The following VWA8 variants were observed in gnomAD, a reference collection of about 807,000 sequenced individuals.
The protein encoded by VWA8 is von Willebrand factor A domain-containing protein 8.
VWA8 carries 221 observed loss-of-function variants against 241.5 expected under a neutral mutation model. The ratio of observed to expected loss-of-function variants is 0.91; its 90% CI spans 0.82 to 1.02. VWA8 has a LOEUF of 1.02. VWA8 is among the 50% of genes least tolerant of loss of function. The probability of loss-of-function intolerance (pLI) is 0.00; values close to 1 mark genes in which losing one functional copy is unlikely to be tolerated. For synonymous variants in VWA8, 852 were observed against 827.1 expected, an observed-to-expected ratio of 1.03 and a Z score of -0.52; for missense variants, 2,322 against 2,328.7, an observed-to-expected ratio of 1.00 and a Z score of 0.06.
intron 37 of VWA8, among the ~76,000 whole-genome samples, chr13:41,640,604 A>C (rs2044789312): frequency 6.6e-6 from 1 of 152,222 alleles, no homozygotes; most frequent in African/African-American, 2.4e-5. Flanking sequence ...TTGCTAGTTA[A>C]AATGCCCATT....
At chr13:41,944,111 T>A (rs976054351) in intron 2 of VWA8, among the ~76,000 whole-genome samples, 24 of 147,892 alleles carry the variant, frequency 1.6e-4, no homozygotes, top group Admixed American at 9.5e-4. Flanking sequence ...TCTCAAAAAA[T>A]AATAATAATA....
intron 26 of VWA8, among the ~76,000 whole-genome samples, chr13:41,709,771 CTTT>C (rs67056755): frequency 6.9e-6 from 1 of 143,932 alleles, no homozygotes; most frequent in African/African-American, 2.6e-5. Context: ...GTCTCTCTCT[CTTT>C]TTTTTTTTTT....
intron 40 of VWA8, among the ~76,000 whole-genome samples, chr13:41,593,058 T>C (rs1466170049): frequency 6.6e-6 from 1 of 152,180 alleles, no homozygotes; most frequent in East Asian, 1.9e-4. Context: ...GGCTATGTGA[T>C]AGCACTGTCG....
chr13:41,804,003 A>C (rs1052777669), intron 17 of VWA8, among the ~76,000 whole-genome samples: 3 of 152,212 alleles, frequency 2.0e-5, no homozygotes, highest in Admixed American at 6.5e-5. Context: ...GAGACAAAAG[A>C]ATAAAACAAT....
At chr13:41,635,414 T>C (rs2044750490) in intron 37 of VWA8, among the ~76,000 whole-genome samples, 1 of 152,214 alleles carries the variant, frequency 6.6e-6, no homozygotes, top group African/African-American at 2.4e-5. Flanking sequence ...GCATCTGAGC[T>C]ATTTTTCATA....
chr13:41,678,678 A>T (rs1049450789), intron 35 of VWA8, among the ~76,000 whole-genome samples: 1 of 152,228 alleles, frequency 6.6e-6, no homozygotes, highest in Non-Finnish European at 1.5e-5. Context: ...AACTTATTTT[A>T]AAATATCTTT....
chr13:41,814,417 C>T (rs1315174694), intron 16 of VWA8, among the ~76,000 whole-genome samples: 30 of 151,982 alleles, frequency 2.0e-4, no homozygotes, highest in Non-Finnish European at 4.4e-5. Context: ...AGGGAAAGCA[C>T]ATTCTAGGCA....
intron 35 of VWA8, among the ~76,000 whole-genome samples, chr13:41,675,996 C>T (rs1285221860): frequency 6.6e-6 from 1 of 152,070 alleles, no homozygotes; most frequent in Non-Finnish European, 1.5e-5. Context: ...TCCCAAAAGA[C>T]AATCCTGAAT....
intron 42 of VWA8, among the ~76,000 whole-genome samples, chr13:41,584,354 G>A (rs1280759781): frequency 6.6e-6 from 1 of 152,150 alleles, no homozygotes; most frequent in Admixed American, 6.5e-5. Context: ...GAATGAGGAT[G>A]GTGGAGTAAA....
intron 35 of VWA8, among the ~76,000 whole-genome samples, chr13:41,677,255 C>T (rs2045066662): frequency 6.6e-6 from 1 of 152,114 alleles, no homozygotes; most frequent in African/African-American, 2.4e-5. Flanking sequence ...TTGTTATACT[C>T]ATGTGATGTC....
intron 35 of VWA8, among the ~76,000 whole-genome samples, chr13:41,678,534 G>A (rs1279692991): frequency 1.3e-5 from 2 of 152,180 alleles, no homozygotes; most frequent in South Asian, 2.1e-4. Context: ...ATAGAGATGA[G>A]TGGAGCTGCC....
intron 4 of VWA8, among the ~76,000 whole-genome samples, chr13:41,907,328 A>G (rs1477952667): frequency 5.9e-5 from 9 of 152,238 alleles, no homozygotes; most frequent in Non-Finnish European, 1.2e-4. Flanking sequence ...AGTAGGAAAC[A>G]ATTTAAAATT....
intron 2 of VWA8, among the ~76,000 whole-genome samples, chr13:41,933,242 A>C (rs1430228351): frequency 6.6e-6 from 1 of 152,046 alleles, no homozygotes; most frequent in Admixed American, 6.5e-5. Flanking sequence ...GAAATACTCA[A>C]AGCATAAAGC....
chr13:41,689,441 A>T lies in VWA8; in HGVS notation c.4044T>A (p.Ala1348=), dbSNP rs1376841855. ...DQLSSEHLSS[A]VEQKIASPNR... is the part of the protein sequence containing the mutation. ...TGGGAGAGGCAATCTTTTGTTCCAC[A>T]GCTGAACTTAGATGTTCAGATGATA... The change falls in exon 34 of 45, where the codon GCT becomes GCA. Residue 1348 remains alanine (A), a synonymous_variant. Transcript: ENST00000379310. The T allele has an allele frequency of 1.2e-6, 2 of 1,612,024 alleles. No homozygotes were observed. Among genetic ancestry groups the T allele is most frequent in the African/African-American group, 2.7e-5 (2 of 74,844 alleles).
intron 2 of VWA8, among the ~76,000 whole-genome samples, chr13:41,935,695 TC>T (rs1442849171): frequency 6.6e-6 from 1 of 151,776 alleles, no homozygotes; most frequent in East Asian, 1.9e-4. Context: ...GCAGTGCTCC[TC>T]CCACACTTCT....
chr13:41,872,582 G>A (rs1411292245), intron 9 of VWA8, among the ~76,000 whole-genome samples: 5 of 152,136 alleles, frequency 3.3e-5, no homozygotes, highest in Non-Finnish European at 7.4e-5. Context: ...CCCATTGCTT[G>A]TTTTTCTCAG....
chr13:41,854,229 C>G (rs374445277), intron 12 of VWA8, among the ~76,000 whole-genome samples: 420 of 152,142 alleles, frequency 2.8e-3, no homozygotes, highest in African/African-American at 8.5e-3. Context: ...CTGTCAGTAC[C>G]TTTGGTTAAA....
chr13:41,817,878 T>G (rs1870766373), intron 15 of VWA8, among the ~76,000 whole-genome samples: 1 of 152,216 alleles, frequency 6.6e-6, no homozygotes, highest in Non-Finnish European at 1.5e-5. Context: ...CCTTCTATGA[T>G]GATGAGCATT....
chr13:41,674,917 C>T (rs572425829), intron 36 of VWA8, among the ~76,000 whole-genome samples: 1 of 152,086 alleles, frequency 6.6e-6, no homozygotes, highest in East Asian at 1.9e-4. Flanking sequence ...TTTTGTAATA[C>T]TAAAAATGCT....
Sources: allele counts gnomAD v4.1 joint callset (sites outside exome capture counted in the v4.1 genomes callset), GRCh38; gene constraint gnomAD v4.1.1; transcripts MANE v1.5; gene names NCBI Gene and HGNC (gene_info 2026-07-23, HGNC 2026-07-21).